HTT: variants seen among roughly 807,000 people sequenced by gnomAD.
The protein encoded by HTT is huntingtin, also known as huntington disease protein.
A neutral mutation model predicts 362.3 loss-of-function variants in HTT; 104 were observed. That is an observed-to-expected ratio of 0.29 (90% confidence interval 0.24 to 0.34). HTT has a LOEUF of 0.34. Among genes scored for constraint, HTT ranks in the 10% least tolerant of loss-of-function variants. The pLI is 1.00. For missense variants in HTT, 3,301 were observed against 3,928.6 expected, an observed-to-expected ratio of 0.84 and a Z score of 4.27; for synonymous variants, 1,577 against 1,548.7, an observed-to-expected ratio of 1.02 and a Z score of -0.43.
At chr4:3,182,263 A>G in intron 36 of HTT, 91 bp from the exon 37 acceptor site, 1 of 794,202 alleles carries the variant, frequency 1.3e-6, no homozygotes, top group Non-Finnish European at 2.2e-6. Flanking sequence ...AGAGTCTTCC[A>G]GCTGAACTGG....
chr4:3,131,211 C>A, intron 14 of HTT, 75 bp from the exon 15 acceptor site: 2 of 1,131,298 alleles, frequency 1.8e-6, no homozygotes, highest in Non-Finnish European at 2.7e-6. Context: ...TGCTCTGGAA[C>A]TATCTGTTGA....
chr4:3,231,035 A>T (rs1272379954), intron 60 of HTT, among the ~76,000 whole-genome samples: 1 of 152,234 alleles, frequency 6.6e-6, no homozygotes, highest in South Asian at 2.1e-4. Flanking sequence ...CCAAGTATCC[A>T]TCACCTGCAC....
intron 28 of HTT, 45 bp downstream of exon 28, chr4:3,157,244 T>TA (rs1452591077): frequency 5.2e-6 from 8 of 1,536,126 alleles, no homozygotes; most frequent in Non-Finnish European, 5.4e-6. Context: ...CACACATACT[T>TA]ACGTCTAATG....
chr4:3,226,700 G>C (rs1270659474), intron 57 of HTT, among the ~76,000 whole-genome samples: 1 of 152,212 alleles, frequency 6.6e-6, no homozygotes, highest in Non-Finnish European at 1.5e-5. Flanking sequence ...TCAGAATATG[G>C]TGTTTAGAAA....
In HTT at chr4:3,187,787, C is replaced by T. The variant is rs1718836365; in HGVS notation, c.5126C>T (p.Thr1709Ile). The change falls in exon 39 of 67, where the codon ACA becomes ATA. Residue 1709 changes from threonine (T) to isoleucine (I), a missense_variant. Around this residue, in one of 4 missense-constraint regions of HTT, gnomAD observed 2,316 missense variants for 2,658.5 expected, o/e 0.87. Transcript: ENST00000355072. The part of the protein sequence containing the change: ...LSFSPYLISC[T>I]VINRLRDGDS... ...TTCTCTCCGTATTTAATCTCCTGTA[C>T]AGTAATTAATAGGTTAAGAGATGGG... 1 of 1,611,910 alleles carries T rather than the reference C, an allele frequency of 6.2e-7. No individual in the cohort carries two copies. The highest frequency in any genetic ancestry group is 8.5e-7 in the Non-Finnish European group (1 of 1,178,046).
At chr4:3,114,379 C>T (rs1311047399) in intron 6 of HTT, among the ~76,000 whole-genome samples, 1 of 152,220 alleles carries the variant, frequency 6.6e-6, no homozygotes, top group Non-Finnish European at 1.5e-5. Context: ...AGTTTATGGC[C>T]AGATTTTGGG....
intron 29 of HTT, among the ~76,000 whole-genome samples, chr4:3,169,660 A>C (rs1414460193): frequency 3.3e-5 from 5 of 149,956 alleles, no homozygotes; most frequent in Admixed American, 6.6e-5. Flanking sequence ...TGCAACCTCC[A>C]CCTCCCAGGC....
rs191572813 is a variant in HTT, at chr4:3,155,884, C to T, written c.3626-1188C>T. Among the ~76,000 whole-genome samples, 252 of 145,048 alleles carry T rather than the reference C, an allele frequency of 1.7e-3. 2 individuals carry two copies. The highest frequency in any genetic ancestry group is 3.1e-3 in the Admixed American group (45 of 14,318). ...CTGCACTCTAGCCTGGGCGATAGAGCGAGACTCCGTCTCAAAAAAAAAAAA... is the reference window on the plus strand; with the variant it reads ...CTGCACTCTAGCCTGGGCGATAGAGTGAGACTCCGTCTCAAAAAAAAAAAA... On this transcript the variant is annotated intron_variant, in intron 27 of 66. Coordinates refer to ENST00000355072, the MANE Select transcript of HTT (RefSeq NM_001388492.1).
chr4:3,160,151 C>T (rs764688155), intron 28 of HTT, 131 bp from the exon 29 acceptor site: 20 of 620,076 alleles, frequency 3.2e-5, no homozygotes, highest in Non-Finnish European at 5.1e-5. Flanking sequence ...CAGACACACC[C>T]TGCAAGGTGA....
intron 40 of HTT, 68 bp from the exon 41 acceptor site, chr4:3,199,664 C>A: frequency 3.6e-6 from 5 of 1,391,238 alleles, no homozygotes; most frequent in Non-Finnish European, 4.0e-6. Context: ...TATGTAAAAT[C>A]TTCGCGTAGC....
In HTT at chr4:3,217,024, C is replaced by CA. The variant is rs776607099; in HGVS notation, c.7055-726dup. On this transcript the variant is annotated intron_variant, in intron 51 of 66. Coordinates refer to ENST00000355072, the MANE Select transcript of HTT (RefSeq NM_001388492.1). ...TGGGCGACAGAGCAAGACTCCGTCT[C>CA]AAAAAAAAAAAAAAATATTAATAAA... 9.0e-3 allele frequency among the ~76,000 whole-genome samples: 1,110 copies of CA among 123,994 alleles called. 55 individuals carry two copies. In the East Asian group the frequency reaches 0.17, roughly 19 times the overall value. 81.3% of individuals were successfully genotyped at this position (123,994 alleles called of 152,430 possible). A position where few individuals can be genotyped will look rare whatever the true frequency, so the allele number is the denominator to read the frequency against.
chr4:3,223,204 G>T (rs758143227), intron 54 of HTT, among the ~76,000 whole-genome samples: 1 of 152,198 alleles, frequency 6.6e-6, no homozygotes, highest in Non-Finnish European at 1.5e-5. Context: ...TGAAAAATGG[G>T]CTTTTGCCCA....
intron 26 of HTT, among the ~76,000 whole-genome samples, chr4:3,152,655 G>T (rs1021822589): frequency 6.6e-6 from 1 of 151,942 alleles, no homozygotes; most frequent in Non-Finnish European, 1.5e-5. Flanking sequence ...CTTGTGACTG[G>T]TGCCTTCTAC....
intron 1 of HTT, among the ~76,000 whole-genome samples, chr4:3,077,039 A>C (rs1364832439): frequency 6.6e-6 from 1 of 152,010 alleles, no homozygotes; most frequent in East Asian, 1.9e-4. Context: ...TTAGCTGGTC[A>C]TGGTGGCACG....
intron 50 of HTT, 54 bp downstream of exon 50, chr4:3,214,189 C>A: frequency 7.6e-7 from 1 of 1,318,780 alleles, no homozygotes; most frequent in Non-Finnish European, 9.9e-7. Flanking sequence ...GTCTGCTTCA[C>A]CATGTTTTTA....
chr4:3,129,835 G>A, intron 12 of HTT, 89 bp from the exon 13 acceptor site: 4 of 1,467,612 alleles, frequency 2.7e-6, no homozygotes, highest in Non-Finnish European at 3.8e-6. Flanking sequence ...TGTAAAATGT[G>A]CTCTTTCCTC....
intron 2 of HTT, among the ~76,000 whole-genome samples, chr4:3,094,446 G>C (rs1713708648): frequency 6.6e-6 from 1 of 152,046 alleles, no homozygotes; most frequent in Admixed American, 6.5e-5. Context: ...TCCCAGATGG[G>C]GTGGCGGCCG....
chr4:3,153,831 G>A (rs1717015126), intron 26 of HTT, among the ~76,000 whole-genome samples: 1 of 152,130 alleles, frequency 6.6e-6, no homozygotes, highest in Admixed American at 6.5e-5. Context: ...GGCTGAGGTG[G>A]GAGGATTGCT....
chr4:3,222,270 C>T lies in HTT; in HGVS notation c.7370-117C>T. 1.1e-5 allele frequency: 8 copies of T among 725,772 alleles called. No homozygotes were observed. In the South Asian group the frequency reaches 1.4e-4, roughly 12 times the overall value. 45.0% of individuals were successfully genotyped at this position (725,772 alleles called of 1,614,324 possible). A position where few individuals can be genotyped will look rare whatever the true frequency, so the allele number is the denominator to read the frequency against. On this transcript the variant is annotated intron_variant, in intron 53 of 66. Coordinates refer to ENST00000355072, the MANE Select transcript of HTT (RefSeq NM_001388492.1). ...AGAACTGTGTGAGGTTTAAGGGACT[C>T]ACTGCCCTTGGCGTGGAGCCTTCTC...
Sources: allele counts gnomAD v4.1 joint callset (sites outside exome capture counted in the v4.1 genomes callset), GRCh38; gene constraint gnomAD v4.1.1; regional missense constraint gnomAD v4.1.1; transcripts MANE v1.5; gene names NCBI Gene and HGNC (gene_info 2026-07-23, HGNC 2026-07-21).